Variants in SDR9C7 observed in about 807,000 individuals in gnomAD.
The protein encoded by SDR9C7 is short-chain dehydrogenase/reductase family 9C member 7.
Under a neutral mutation model 23.6 loss-of-function variants are expected in SDR9C7, and 11 were observed. The observed-to-expected ratio is 0.47, with a 90% confidence interval of 0.29 to 0.77. SDR9C7 has a LOEUF of 0.77. Ranked by LOEUF, SDR9C7 falls within the 30% of genes least tolerant of loss-of-function variation. SDR9C7 has a pLI of 0.09. For missense variants in SDR9C7, 387 were observed against 407.1 expected (o/e 0.95, Z 0.42); for synonymous variants, 167 against 157.3 (o/e 1.06, Z -0.46).
In SDR9C7 at chr12:56,923,840, C is replaced by A. The variant is rs1481039777; in HGVS notation, c.935G>T (p.Ser312Ile). The change falls in exon 4 of 4, where the codon AGT becomes ATT. Residue 312 changes from serine (S) to isoleucine (I), a missense_variant. By Grantham distance (142) the Ser-to-Ile change is moderately radical. Transcript: ENST00000293502. ...LSRYLPRPAD[S>I]V ...CCATTGATCCTCCCCAGTTTAGACA[C>A]TGTCCGCTGGCCTTGGAAGGTACCG... 1 of 1,603,662 alleles carries A rather than the reference C, an allele frequency of 6.2e-7. No homozygotes were observed. Among genetic ancestry groups the A allele is most frequent in the Non-Finnish European group, 8.5e-7 (1 of 1,173,662 alleles).
chr12:56,923,762 CTT>C lies in SDR9C7; in HGVS notation c.*69_*70del. ...ATGCCCCCAGGATAACCGATACCAC[CTT>C]TTGTGACCCCACGGTCCTTCCTTCC... is the stretch of plus-strand genomic sequence containing the variant. On this transcript the variant is annotated 3_prime_UTR_variant, in exon 4 of 4. Transcript: ENST00000293502. 1 of 1,277,634 alleles carries C rather than the reference CTT, an allele frequency of 7.8e-7. No homozygotes were observed. Among genetic ancestry groups the C allele is most frequent in the Non-Finnish European group, 1.1e-6 (1 of 920,876 alleles). The allele number at this position is 1,277,634 out of a possible 1,614,324, so 79.1% of individuals were successfully genotyped here.
At position 56,923,846 on chromosome 12, in the gene SDR9C7, G is replaced by C; in HGVS notation, c.929C>G (p.Ala310Gly). The C allele has an allele frequency of 6.2e-7, 1 of 1,607,538 alleles. No individual in the cohort carries two copies. Among genetic ancestry groups the C allele is most frequent in the Non-Finnish European group, 8.5e-7 (1 of 1,175,824 alleles). ...FILSRYLPRP[A>G]DSV ...ATCCTCCCCAGTTTAGACACTGTCC[G>C]CTGGCCTTGGAAGGTACCGGCTTAG... The change falls in exon 4 of 4, where the codon GCG becomes GGG. Residue 310 changes from alanine to glycine, a missense_variant. By Grantham distance (60) the Ala-to-Gly change is moderately conservative (BLOSUM62 0). Coordinates refer to ENST00000293502, the MANE Select transcript of SDR9C7 (RefSeq NM_148897.3).
At chr12:56,929,663 C>T in intron 2 of SDR9C7, 110 bp from the exon 3 acceptor site, 1 of 1,285,184 alleles carries the variant, frequency 7.8e-7, no homozygotes. Flanking sequence ...TCTCTCACCC[C>T]TGTACTTGGC....
At chr12:56,932,477 T>A (rs1379466626) in intron 1 of SDR9C7, among the ~76,000 whole-genome samples, 1 of 152,224 alleles carries the variant, frequency 6.6e-6, no homozygotes, top group East Asian at 1.9e-4. Context: ...CAGTGAGGCC[T>A]ATTTTAGACA....
At chr12:56,925,805 C>T (rs551010856) in intron 3 of SDR9C7, among the ~76,000 whole-genome samples, 88 of 152,198 alleles carry the variant, frequency 5.8e-4, no homozygotes, top group Non-Finnish European at 1.2e-3. Flanking sequence ...GCCCCCTCGG[C>T]GCCAGGGAAA....
chr12:56,932,916 T>C (rs1955776474), intron 1 of SDR9C7, among the ~76,000 whole-genome samples: 1 of 152,210 alleles, frequency 6.6e-6, no homozygotes, highest in South Asian at 2.1e-4. Flanking sequence ...GCTCCAGGGC[T>C]CTGTTGCCCT....
chr12:56,923,610 C>A lies in SDR9C7; in HGVS notation c.*223G>T, dbSNP rs1223312032. 7 of 434,790 alleles carry A rather than the reference C, an allele frequency of 1.6e-5. No individual in the cohort carries two copies. The highest frequency in any genetic ancestry group is 7.9e-5 in the Admixed American group (2 of 25,210). The allele number at this position is 434,790 out of a possible 1,614,324, so 26.9% of individuals were successfully genotyped here. ...GAGCTATTGCTGCAGATCGCTGAAC[C>A]TGCAAAGACCACCTCAGGTTTCTGT... On this transcript the variant is annotated 3_prime_UTR_variant, in exon 4 of 4. Transcript: ENST00000293502.
At position 56,926,971 on chromosome 12, in the gene SDR9C7, C is replaced by T. The variant is rs189985040; in HGVS notation, c.724+2419G>A. Among the ~76,000 whole-genome samples, 6 of 152,216 alleles carry T rather than the reference C, an allele frequency of 3.9e-5. No individual in the cohort carries two copies. In the South Asian group the frequency reaches 1.2e-3, roughly 32 times the overall value. Reference sequence around the variant, plus strand: ...GATTCTTCATGTGGTGGTGTATTTGCTTTCACATCTTCCCTGCTAGTTTCC... The same window carrying T: ...GATTCTTCATGTGGTGGTGTATTTGTTTTCACATCTTCCCTGCTAGTTTCC... On this transcript the variant is annotated intron_variant, in intron 3 of 3. Transcript: ENST00000293502.
At chr12:56,927,775 C>T (rs1955743773) in intron 3 of SDR9C7, among the ~76,000 whole-genome samples, 1 of 152,218 alleles carries the variant, frequency 6.6e-6, no homozygotes, top group Non-Finnish European at 1.5e-5. Flanking sequence ...AGCTTAGAGA[C>T]TGGAGTCAGT....
In SDR9C7 at chr12:56,934,137, G is replaced by T; in HGVS notation, c.125C>A (p.Ala42Asp). ...CATGCCCCGATCAACCAGCTGTTTG[G>T]CCAGCAGGTTCCCGAAGCCAGAGTC... Reference protein sequence around the residue: ...GCDSGFGNLLAKQLVDRGMQV... With the variant: ...GCDSGFGNLLDKQLVDRGMQV... Residue 42 changes from alanine (A) to aspartate (D), a missense_variant, in exon 1 of 4, where the codon GCC (alanine) becomes GAC (aspartate). Coordinates refer to ENST00000293502, the MANE Select transcript of SDR9C7 (RefSeq NM_148897.3). 6.2e-7 allele frequency: 1 copy of T among 1,614,214 alleles called. No individual in the cohort carries two copies. Among genetic ancestry groups the T allele is most frequent in the African/African-American group, 1.3e-5 (1 of 75,048 alleles).
intron 3 of SDR9C7, among the ~76,000 whole-genome samples, chr12:56,927,913 T>C (rs908742628): frequency 1.4e-4 from 21 of 152,232 alleles, no homozygotes; most frequent in Admixed American, 6.5e-5. Flanking sequence ...AAATTCCTTT[T>C]CTGCTTAAAT....
chr12:56,931,160 G>A (rs765440662), intron 1 of SDR9C7, among the ~76,000 whole-genome samples: 9 of 152,152 alleles, frequency 5.9e-5, no homozygotes, highest in African/African-American at 1.9e-4. Flanking sequence ...ACTTGAGCCC[G>A]GGTTACAGGT....
In SDR9C7 at chr12:56,934,322, T is replaced by C; in HGVS notation, c.-61A>G. On this transcript the variant is annotated 5_prime_UTR_variant, in exon 1 of 4. Transcript: ENST00000293502. ...GCTCAGGAGACAGCAGGGAAGAAGCTGGTCCTCTGAGCCCTAGCAGGCAGT... is the reference window on the plus strand; with the variant it reads ...GCTCAGGAGACAGCAGGGAAGAAGCCGGTCCTCTGAGCCCTAGCAGGCAGT... The C allele has an allele frequency of 6.8e-7, 1 of 1,465,182 alleles. No individual in the cohort carries two copies. Among genetic ancestry groups the C allele is most frequent in the Non-Finnish European group, 9.3e-7 (1 of 1,069,652 alleles). The allele number at this position is 1,465,182 out of a possible 1,614,324, so 90.8% of individuals were successfully genotyped here. A position where few individuals can be genotyped will look rare whatever the true frequency, so the allele number is the denominator to read the frequency against.
In SDR9C7 at chr12:56,934,004, G is replaced by A. The variant is rs1955783074; in HGVS notation, c.258C>T (p.Ile86=). 1 of 1,612,884 alleles carries A rather than the reference G, an allele frequency of 6.2e-7. No homozygotes were observed. Among genetic ancestry groups the A allele is most frequent in the African/African-American group, 1.3e-5 (1 of 74,906 alleles). ...CCCTCACCCACTGGGCCGCCGCCTT[G>A]ATGCTTTCGCTCTTGGTGACATCCA... ...TLLDVTKSES[I]KAAAQWVRDK... is the part of the protein sequence containing the mutation. Residue 86 remains isoleucine, a synonymous_variant, in exon 1 of 4, where the codon ATC becomes ATT. Coordinates refer to ENST00000293502, the MANE Select transcript of SDR9C7 (RefSeq NM_148897.3).
chr12:56,924,072 A>G (rs751826741), intron 3 of SDR9C7, 22 bp from the exon 4 acceptor site: 198 of 1,501,166 alleles, frequency 1.3e-4, no homozygotes, highest in Non-Finnish European at 1.7e-4. Flanking sequence ...CAGAGAGGGG[A>G]AAAAGGCTCT....
At position 56,930,491 on chromosome 12, in the gene SDR9C7, G is replaced by A. The variant is rs1412314118; in HGVS notation, c.302-7C>T. On this transcript the variant is annotated splice_region_variant and splice_polypyrimidine_tract_variant and intron_variant, in intron 1 of 3. Coordinates refer to ENST00000293502, the MANE Select transcript of SDR9C7 (RefSeq NM_148897.3). ...TTCACCAGGGCCCAGAGGCCTGGGG[G>A]TGAGATGAACCACACAGAAATCATC... The A allele has an allele frequency of 3.1e-6, 5 of 1,613,504 alleles. No individual in the cohort carries two copies. The highest frequency in any genetic ancestry group is 2.2e-5 in the South Asian group (2 of 91,050).
chr12:56,930,444 G>C lies in SDR9C7; in HGVS notation c.342C>G (p.Pro114=). ...TGGTCAGCCATTCGTTGGGACCACT[G>C]GGCAGGCCCACACCAGCATTGTTCA... The part of the protein sequence containing the change: ...ALVNNAGVGL[P]SGPNEWLTKD... Residue 114 remains proline (P), a synonymous_variant, in exon 2 of 4, where the codon CCC becomes CCG. Transcript: ENST00000293502. 1 of 1,614,156 alleles carries C rather than the reference G, an allele frequency of 6.2e-7. No individual in the cohort carries two copies. Among genetic ancestry groups the C allele is most frequent in the Non-Finnish European group, 8.5e-7 (1 of 1,180,016 alleles).
At chr12:56,930,588 A>G (rs1024906053) in intron 1 of SDR9C7, 104 bp from the exon 2 acceptor site, 12 of 1,262,296 alleles carry the variant, frequency 9.5e-6, no homozygotes, top group African/African-American at 7.4e-5. Context: ...GAGCAGGTGC[A>G]CAAGACATAA....
Position 56,930,499 on chromosome 12 carries a change from A to G in SDR9C7, c.302-15T>C. On this transcript the variant is annotated splice_polypyrimidine_tract_variant and intron_variant, in intron 1 of 3. Coordinates refer to ENST00000293502, the MANE Select transcript of SDR9C7 (RefSeq NM_148897.3). ...GGCCCAGAGGCCTGGGGGTGAGATG[A>G]ACCACACAGAAATCATCAGTGGGCC... is the stretch of plus-strand genomic sequence containing the variant. 1.9e-6 allele frequency: 3 copies of G among 1,612,928 alleles called. No homozygotes were observed. The highest frequency in any genetic ancestry group is 1.7e-6 in the Non-Finnish European group (2 of 1,179,466).
Sources: allele counts gnomAD v4.1 joint callset (sites outside exome capture counted in the v4.1 genomes callset), GRCh38; gene constraint gnomAD v4.1.1; transcripts MANE v1.5; gene names NCBI Gene and HGNC (gene_info 2026-07-23, HGNC 2026-07-21).